CRPPA: variants seen among roughly 807,000 people sequenced by gnomAD.
CRPPA encodes CDP-L-ribitol pyrophosphorylase A.
CRPPA carries 43 observed loss-of-function variants against 52.0 expected under a neutral mutation model. The ratio of observed to expected loss-of-function variants is 0.83; its 90% confidence interval spans 0.65 to 1.07. The LOEUF (loss-of-function observed/expected upper bound fraction) is 1.07, where lower values mean the gene tolerates loss of function less well. CRPPA is among the 50% of genes least tolerant of loss of function. CRPPA has a pLI of 0.00. For synonymous variants in CRPPA, 250 were observed against 203.5 expected (o/e 1.23, Z -1.94); for missense variants, 629 against 551.7 (o/e 1.14, Z -1.40).
intron 3 of CRPPA, among the ~76,000 whole-genome samples, chr7:16,347,329 A>G (rs182655168): frequency 6.6e-6 from 1 of 152,242 alleles, no homozygotes; most frequent in East Asian, 1.9e-4. Context: ...TTATCAAAAC[A>G]TTAGTATCAG....
At chr7:16,303,664 C>T (rs576070394) in intron 4 of CRPPA, among the ~76,000 whole-genome samples, 195 of 152,026 alleles carry the variant, frequency 1.3e-3, no homozygotes, top group Admixed American at 2.6e-3. Flanking sequence ...CCTTACCAAT[C>T]ATATACATAT....
chr7:16,272,638 C>G (rs1019348343), intron 6 of CRPPA, among the ~76,000 whole-genome samples: 2 of 152,118 alleles, frequency 1.3e-5, no homozygotes, highest in African/African-American at 2.4e-5. Context: ...GATAAATTTA[C>G]CTTTATAAGG....
chr7:16,284,379 T>C (rs977142547), intron 5 of CRPPA, among the ~76,000 whole-genome samples: 1 of 152,108 alleles, frequency 6.6e-6, no homozygotes, highest in Non-Finnish European at 1.5e-5. Flanking sequence ...TTAGATAATG[T>C]GTAAAACTAT....
chr7:16,113,568 C>T (rs1403113180), intron 9 of CRPPA, among the ~76,000 whole-genome samples: 1 of 151,932 alleles, frequency 6.6e-6, no homozygotes, highest in Non-Finnish European at 1.5e-5. Flanking sequence ...AGAAGGAATA[C>T]ATCAAAACAG....
intron 8 of CRPPA, among the ~76,000 whole-genome samples, chr7:16,241,642 C>T (rs1369717604): frequency 6.6e-6 from 1 of 152,004 alleles, no homozygotes; most frequent in East Asian, 1.9e-4. Flanking sequence ...TTTAAAAAAG[C>T]TTTAAATAAC....
chr7:16,202,679 G>A (rs1185869393), intron 9 of CRPPA, among the ~76,000 whole-genome samples: 2 of 152,182 alleles, frequency 1.3e-5, no homozygotes, highest in African/African-American at 4.8e-5. Context: ...AAGATGGGCA[G>A]GTCATTTCAT....
At chr7:16,278,502 G>T (rs1303240749) in intron 5 of CRPPA, among the ~76,000 whole-genome samples, 1 of 152,158 alleles carries the variant, frequency 6.6e-6, no homozygotes, top group Non-Finnish European at 1.5e-5. Context: ...CATTCGGAAG[G>T]GAGTAGAGGT....
At chr7:16,149,814 C>T (rs915275428) in intron 9 of CRPPA, among the ~76,000 whole-genome samples, 6 of 151,952 alleles carry the variant, frequency 3.9e-5, no homozygotes, top group South Asian at 2.1e-4. Context: ...GGTGAAACCC[C>T]GTCTCTACTA....
At chr7:16,371,595 G>A (rs559589999) in intron 3 of CRPPA, among the ~76,000 whole-genome samples, 13 of 151,180 alleles carry the variant, frequency 8.6e-5, no homozygotes, top group Admixed American at 8.6e-4. Flanking sequence ...TGAAGAAATA[G>A]TCTACCCAAA....
At chr7:16,124,552 G>C (rs1782539141) in intron 9 of CRPPA, among the ~76,000 whole-genome samples, 1 of 152,154 alleles carries the variant, frequency 6.6e-6, no homozygotes, top group South Asian at 2.1e-4. Flanking sequence ...ATAAAGAGTA[G>C]AATAGTGGTT....
At chr7:16,266,918 G>A (rs190178118) in intron 6 of CRPPA, among the ~76,000 whole-genome samples, 34 of 152,276 alleles carry the variant, frequency 2.2e-4, no homozygotes, top group African/African-American at 6.3e-4. Context: ...GATGGGAAAC[G>A]ACTGGCATTA....
At chr7:16,361,919 A>G (rs1329007158) in intron 3 of CRPPA, among the ~76,000 whole-genome samples, 2 of 152,112 alleles carry the variant, frequency 1.3e-5, no homozygotes, top group African/African-American at 4.8e-5. Flanking sequence ...CAGTGGCTCT[A>G]TCTCGGCTCA....
intron 9 of CRPPA, among the ~76,000 whole-genome samples, chr7:16,169,644 G>A (rs182277949): frequency 5.6e-4 from 85 of 152,324 alleles, no homozygotes; most frequent in Admixed American, 1.8e-3. Context: ...AACTCACAGC[G>A]TGAGTCTGTT....
At chr7:16,136,272 A>G (rs1009177852) in intron 9 of CRPPA, among the ~76,000 whole-genome samples, 6 of 151,660 alleles carry the variant, frequency 4.0e-5, no homozygotes, top group Non-Finnish European at 8.8e-5. Flanking sequence ...AGGTATTTAA[A>G]TGTAGATCTG....
intron 8 of CRPPA, among the ~76,000 whole-genome samples, chr7:16,251,155 T>A (rs971778371): frequency 6.6e-6 from 1 of 151,810 alleles, no homozygotes; most frequent in Non-Finnish European, 1.5e-5. Flanking sequence ...GGTAAAGGGA[T>A]CAATGCAACA....
intron 9 of CRPPA, among the ~76,000 whole-genome samples, chr7:16,205,091 T>A (rs189307908): frequency 1.3e-5 from 2 of 152,166 alleles, no homozygotes; most frequent in African/African-American, 4.8e-5. Context: ...TGCAAACAAC[T>A]GTCCCACAGG....
chr7:16,388,574 CT>C (rs1787355536), intron 2 of CRPPA, among the ~76,000 whole-genome samples: 1 of 152,132 alleles, frequency 6.6e-6, no homozygotes, highest in Admixed American at 6.5e-5. Context: ...ATATGGTTCT[CT>C]TATAAAATAA....
At position 16,376,226 on chromosome 7, in the gene CRPPA, G is replaced by C. The variant is rs370499190; in HGVS notation, c.550C>G (p.Arg184Gly). 3 of 1,606,238 alleles carry C rather than the reference G, an allele frequency of 1.9e-6. No homozygotes were observed. Among genetic ancestry groups the C allele is most frequent in the African/African-American group, 1.3e-5 (1 of 74,546 alleles). Residue 184 changes from arginine (R) to glycine (G), a missense_variant, in exon 3 of 10, where the codon CGA becomes GGA. Physicochemically the swap from Arg to Gly is moderately radical, Grantham distance 125. Transcript: ENST00000407010. ...CTGACGACAGTAGATACAAGAGGTC[G>C]AATGGCTCCTGCTGCCTGAAGAACA... ...AKEHGAAGAI[R>G]PLVSTVVSPS...
At chr7:16,415,057 G>C (rs1788162953) in intron 1 of CRPPA, among the ~76,000 whole-genome samples, 1 of 152,094 alleles carries the variant, frequency 6.6e-6, no homozygotes, top group Non-Finnish European at 1.5e-5. Context: ...CATTTTCTCA[G>C]AGCCTTTAGC....
Sources: allele counts gnomAD v4.1 joint callset (sites outside exome capture counted in the v4.1 genomes callset), GRCh38; gene constraint gnomAD v4.1.1; transcripts MANE v1.5; gene names NCBI Gene and HGNC (gene_info 2026-07-23, HGNC 2026-07-21).